The following KIAA1671 variants were observed in gnomAD, a reference collection of about 807,000 sequenced individuals.
KIAA1671 encodes the protein uncharacterized protein KIAA1671.
KIAA1671 carries 52 observed loss-of-function variants against 131.2 expected under a neutral mutation model. The observed-to-expected ratio is 0.40, with a 90% confidence interval of 0.32 to 0.50. KIAA1671 has a LOEUF of 0.50. Ranked by LOEUF, KIAA1671 falls within the 20% of genes least tolerant of loss-of-function variation. KIAA1671 has a pLI of 0.73. For synonymous variants in KIAA1671, 1,003 were observed against 961.6 expected, an observed-to-expected ratio of 1.04 and a Z score of -0.80; for missense variants, 2,360 against 2,364.2, an observed-to-expected ratio of 1.00 and a Z score of 0.04.
In KIAA1671 at chr22:25,022,544, A is replaced by AC. The variant is rs1161174834; in HGVS notation, c.-207-3084dup. On this transcript the variant is annotated intron_variant, in intron 1 of 12. Transcript: ENST00000358431. ...TTTCAGCACCTGTTGCTCTTGGGTG[A>AC]CCCCCTTCTCAGACAAATGATTTTT... 2.8e-4 allele frequency: 43 copies of AC among 152,190 alleles called. No individual in the cohort carries two copies. The East Asian group carries it at 6.6e-3, about 23-fold the overall frequency. The allele number at this position is 152,190 out of a possible 1,614,324, so 9.4% of individuals were successfully genotyped here.
chr22:25,171,860 G>T (rs186186860), intron 7 of KIAA1671, among the ~76,000 whole-genome samples: 35 of 152,270 alleles, frequency 2.3e-4, no homozygotes, highest in Admixed American at 2.2e-3. Context: ...TCCTTTTGGG[G>T]TGATGGAAAT....
chr22:25,097,554 C>T (rs2145890291), intron 6 of KIAA1671, among the ~76,000 whole-genome samples: 1 of 152,242 alleles, frequency 6.6e-6, no homozygotes, highest in South Asian at 2.1e-4. Flanking sequence ...TCCTGGCTAA[C>T]ATGGTGAAAC....
chr22:25,057,809 T>G (rs1927939072), intron 6 of KIAA1671: 1 of 152,284 alleles, frequency 6.6e-6, no homozygotes. Context: ...GCTGGCTAAT[T>G]TTTGTATTTT....
At chr22:25,052,695 G>C (rs2145823982) in intron 6 of KIAA1671, 1 of 152,038 alleles carries the variant, frequency 6.6e-6, no homozygotes, top group Middle Eastern at 3.4e-3. Flanking sequence ...CCGAGAAATG[G>C]CTTCACAAAT....
intron 5 of KIAA1671, among the ~76,000 whole-genome samples, chr22:25,042,371 G>C (rs1657606838): frequency 6.6e-6 from 1 of 151,290 alleles, no homozygotes; most frequent in Admixed American, 6.6e-5. Flanking sequence ...TACTGTGAAT[G>C]TTCAAGAAGT....
Position 24,952,788 on chromosome 22 carries a change from G to T in KIAA1671, c.-208+16G>T, listed in dbSNP as rs549165292. On this transcript the variant is annotated intron_variant, in intron 1 of 12. Coordinates refer to ENST00000358431, the MANE Select transcript of KIAA1671 (RefSeq NM_001145206.2). This position sits in a 1 kb window ranked among gnomAD's most constrained non-coding sequence, Gnocchi z 4.5. ...TGGCTCCACGGTAGGTTGCGCAGCG[G>T]CTGCGGGCAGTGGGGGCCGGCTGGC... The T allele has an allele frequency of 2.4e-4, 37 of 153,174 alleles. No individual in the cohort carries two copies. Among genetic ancestry groups the T allele is most frequent in the African/African-American group, 8.2e-4 (34 of 41,556 alleles). 9.5% of individuals were successfully genotyped at this position (153,174 alleles called of 1,614,324 possible). A position where few individuals can be genotyped will look rare whatever the true frequency, so the allele number is the denominator to read the frequency against.
At position 25,030,264 on chromosome 22, in the gene KIAA1671, C is replaced by T. The variant is rs1020598485; in HGVS notation, c.1541+724C>T. ...TAATAATGATGTTCTAGGCCGGGCG[C>T]GGTGGCTCATGCCTGTAATCCCAGC... is the stretch of plus-strand genomic sequence containing the variant. On this transcript the variant is annotated intron_variant, in intron 3 of 12. Coordinates refer to ENST00000358431, the MANE Select transcript of KIAA1671 (RefSeq NM_001145206.2). Among the ~76,000 whole-genome samples the T allele has an allele frequency of 2.2e-4, 34 of 152,050 alleles. No individual in the cohort carries two copies. The South Asian group carries it at 6.2e-3, about 28-fold the overall frequency.
chr22:25,159,080 G>A (rs1345903173), intron 6 of KIAA1671, among the ~76,000 whole-genome samples: 1 of 152,112 alleles, frequency 6.6e-6, no homozygotes, highest in Middle Eastern at 3.2e-3. Flanking sequence ...TGGGTCTAGG[G>A]GAACCCTGCC....
At chr22:25,107,149 C>T (rs1601320165) in intron 6 of KIAA1671, among the ~76,000 whole-genome samples, 1 of 152,186 alleles carries the variant, frequency 6.6e-6, no homozygotes, top group Non-Finnish European at 1.5e-5. Flanking sequence ...GTGATTCCAG[C>T]ACTTTGGGAG....
At chr22:25,008,796 C>A (rs1163133503) in intron 1 of KIAA1671, among the ~76,000 whole-genome samples, 1 of 152,220 alleles carries the variant, frequency 6.6e-6, no homozygotes, top group Non-Finnish European at 1.5e-5. Context: ...GACAGTGGAG[C>A]CCAATAAACT....
chr22:25,000,898 C>T (rs537151874), intron 1 of KIAA1671, among the ~76,000 whole-genome samples: 6 of 151,480 alleles, frequency 4.0e-5, no homozygotes, highest in Middle Eastern at 3.4e-3. Context: ...TCTCCTGCCT[C>T]GGCATACCAA....
rs1157262622 is a variant in KIAA1671 at position 25,196,455 on chromosome 22, G to GAC, written c.*4057_*4058dup. 1 of 150,902 alleles carries GAC rather than the reference G, an allele frequency of 6.6e-6. No individual in the cohort carries two copies. The highest frequency in any genetic ancestry group is 2.0e-4 in the East Asian group (1 of 5,024). 9.3% of individuals were successfully genotyped at this position (150,902 alleles called of 1,614,324 possible). Reference sequence around the variant, plus strand: ...AACTTTTTTTTTTTTCTTTTCTTGAGACACGGTCTTGCTCTGTTGGCCAGG... The same window carrying GAC: ...AACTTTTTTTTTTTTCTTTTCTTGAGACACACGGTCTTGCTCTGTTGGCCAGG... On this transcript the variant is annotated 3_prime_UTR_variant, in exon 13 of 13. Transcript: ENST00000358431.
intron 6 of KIAA1671, among the ~76,000 whole-genome samples, chr22:25,116,169 C>A (rs1259120752): frequency 6.6e-6 from 1 of 152,114 alleles, no homozygotes; most frequent in African/African-American, 2.4e-5. Flanking sequence ...GCCTCGATAC[C>A]CTGCGTTCAA....
chr22:25,146,511 T>C (rs1932881624), intron 6 of KIAA1671, among the ~76,000 whole-genome samples: 1 of 152,202 alleles, frequency 6.6e-6, no homozygotes, highest in Non-Finnish European at 1.5e-5. Context: ...TGCCAAGTTG[T>C]TACCATGGGA....
At chr22:25,077,477 C>T (rs1487869496) in intron 6 of KIAA1671, among the ~76,000 whole-genome samples, 4 of 152,222 alleles carry the variant, frequency 2.6e-5, no homozygotes, top group African/African-American at 4.8e-5. Context: ...CCAGCTGCCT[C>T]TCCAGCCCCG....
At chr22:24,965,769 A>T (rs1377615860) in intron 1 of KIAA1671, among the ~76,000 whole-genome samples, 1 of 150,944 alleles carries the variant, frequency 6.6e-6, no homozygotes, top group Non-Finnish European at 1.5e-5. Context: ...AAAGAAAAGG[A>T]TGAGCTTAAG....
intron 6 of KIAA1671, among the ~76,000 whole-genome samples, chr22:25,147,147 A>G (rs901464846): frequency 1.1e-4 from 17 of 148,604 alleles, no homozygotes; most frequent in African/African-American, 4.2e-4. Flanking sequence ...ATTTTATTTT[A>G]TTTTTTACTA....
chr22:24,980,365 G>A (rs138615861), intron 1 of KIAA1671, among the ~76,000 whole-genome samples: 2,875 of 147,924 alleles, frequency 0.019, 37 homozygotes, highest in Admixed American at 0.023. Context: ...TCCACCTCCC[G>A]GATTCAAGCA....
intron 6 of KIAA1671, chr22:25,053,625 C>T (rs1171686660): frequency 4.6e-5 from 7 of 152,160 alleles, no homozygotes; most frequent in African/African-American, 1.7e-4. Flanking sequence ...ATGATGGGGC[C>T]TGGAGATTTT....
Sources: gnomAD v4.1 joint callset for allele counts (sites outside exome capture counted in the v4.1 genomes callset) on GRCh38, gnomAD v4.1.1 for gene constraint, Gnocchi (gnomAD v3.1) non-coding constraint, MANE v1.5 for transcripts, NCBI Gene and HGNC (gene_info 2026-07-23, HGNC 2026-07-21) for gene names.